Variants in PTPRN2 observed in about 807,000 individuals in gnomAD.
PTPRN2 encodes protein tyrosine phosphatase receptor type N2, also known as receptor-type tyrosine-protein phosphatase N2.
Under a neutral mutation model 118.8 loss-of-function variants are expected in PTPRN2, and 74 were observed. That is an observed-to-expected ratio of 0.62 (90% CI 0.52 to 0.76). The LOEUF (loss-of-function observed/expected upper bound fraction) is 0.76, where lower values mean the gene tolerates loss of function less well. Among genes scored for constraint, PTPRN2 ranks in the 30% least tolerant of loss-of-function variants. PTPRN2 has a pLI of 0.00. For synonymous variants in PTPRN2, 641 were observed against 608.0 expected (o/e 1.05, Z -0.80); for missense variants, 1,481 against 1,394.4 (o/e 1.06, Z -0.99).
At chr7:157,704,704 C>T (rs1311425681) in intron 12 of PTPRN2, among the ~76,000 whole-genome samples, 1 of 152,192 alleles carries the variant, frequency 6.6e-6, no homozygotes, top group African/African-American at 2.4e-5. Context: ...GAACAGGAAC[C>T]ACTGGAGTCA....
intron 6 of PTPRN2, among the ~76,000 whole-genome samples, chr7:158,159,158 T>C (rs4618642): frequency 0.14 from 455 of 3,262 alleles, 39 homozygotes; most frequent in Middle Eastern, 0.5. Flanking sequence ...TGAGTGAACT[T>C]GGGAGAATCA....
At chr7:157,665,826 T>C (rs5013566) in intron 13 of PTPRN2, among the ~76,000 whole-genome samples, 58,345 of 152,004 alleles carry the variant, frequency 0.38, 12,253 homozygotes, top group Non-Finnish European at 0.49. Context: ...GAGTTCATGT[T>C]CTTTGCAGGG....
Position 157,676,215 on chromosome 7 carries a change from C to T in PTPRN2, c.2001+6510G>A, listed in dbSNP as rs771444433. On this transcript the variant is annotated intron_variant, in intron 13 of 22. Transcript: ENST00000389418. The surrounding 1 kb of genome is among the most constrained non-coding windows in gnomAD (Gnocchi z 5.6). The stretch of plus-strand genomic sequence containing the variant: ...AGGACCTCTTCCCTCTAGCCCAGTT[C>T]CTCCTGGCAGCCCTGCAAATGCCCA... Among the ~76,000 whole-genome samples, 33 of 152,268 alleles carry T rather than the reference C, an allele frequency of 2.2e-4. No homozygotes were observed. Among genetic ancestry groups the T allele is most frequent in the East Asian group, 7.7e-4 (4 of 5,164 alleles).
chr7:158,114,150 G>T (rs1816536160), intron 9 of PTPRN2, among the ~76,000 whole-genome samples: 2 of 152,244 alleles, frequency 1.3e-5, no homozygotes, highest in Non-Finnish European at 2.9e-5. Flanking sequence ...GCAATGGAAA[G>T]GTGAGGCTGC....
At chr7:158,221,410 T>G (rs2150793634) in intron 3 of PTPRN2, among the ~76,000 whole-genome samples, 1 of 151,918 alleles carries the variant, frequency 6.6e-6, no homozygotes, top group African/African-American at 2.4e-5. Flanking sequence ...AAAGCAACTA[T>G]TAACAGGTAA....
At chr7:158,407,121 T>TCCC (rs1563254026) in intron 2 of PTPRN2, among the ~76,000 whole-genome samples, 7 of 144,270 alleles carry the variant, frequency 4.9e-5, no homozygotes, top group African/African-American at 1.5e-4. Flanking sequence ...TCCTGCGTCC[T>TCCC]GGGTCCTGGG....
intron 11 of PTPRN2, among the ~76,000 whole-genome samples, chr7:158,039,375 G>A (rs1808300476): frequency 6.6e-6 from 1 of 152,204 alleles, no homozygotes; most frequent in African/African-American, 2.4e-5. Context: ...CAGCCCAGGT[G>A]TGCAGGTTCA....
intron 2 of PTPRN2, among the ~76,000 whole-genome samples, chr7:158,394,120 C>T (rs1266371699): frequency 1.3e-5 from 2 of 151,136 alleles, no homozygotes; most frequent in South Asian, 4.2e-4. Flanking sequence ...ACCTGGACCC[C>T]CTCTGTCCCC....
chr7:157,841,192 G>T (rs1032890036), intron 12 of PTPRN2, among the ~76,000 whole-genome samples: 3 of 152,232 alleles, frequency 2.0e-5, no homozygotes, highest in African/African-American at 7.2e-5. Flanking sequence ...AGCAAGGGCA[G>T]CTTTAAGTTA....
intron 21 of PTPRN2, among the ~76,000 whole-genome samples, chr7:157,552,582 T>C (rs1229088719): frequency 6.6e-6 from 1 of 152,214 alleles, no homozygotes; most frequent in East Asian, 1.9e-4. Context: ...TCTTTGGCCA[T>C]ACGCTGCTGG....
chr7:158,312,071 ACAC>A, intron 3 of PTPRN2, among the ~76,000 whole-genome samples: 2 of 3,370 alleles, frequency 5.9e-4, no homozygotes, highest in Non-Finnish European at 3.1e-3. Context: ...ATGTAGACAC[ACAC>A]ACGTGCACTC....
chr7:158,321,409 G>A lies in PTPRN2; in HGVS notation c.164-4477C>T, dbSNP rs146533687. Among the ~76,000 whole-genome samples, 798 of 152,204 alleles carry A rather than the reference G, an allele frequency of 5.2e-3. 10 individuals carry two copies. Among genetic ancestry groups the A allele is most frequent in the African/African-American group, 0.018 (766 of 41,520 alleles). On this transcript the variant is annotated intron_variant, in intron 2 of 22. Transcript: ENST00000389418. ...TTCCTCATGAACTCTCTTCTACTTC[G>A]GACTCTGTTTCCTGTGCCATGGCCC...
At chr7:157,559,858 C>G (rs1354255905) in intron 21 of PTPRN2, among the ~76,000 whole-genome samples, 2 of 152,190 alleles carry the variant, frequency 1.3e-5, no homozygotes, top group African/African-American at 2.4e-5. Context: ...CCTGTGTTCT[C>G]TCCCACATTC....
In PTPRN2 at chr7:158,140,719, G is replaced by A. The variant is rs761681374; in HGVS notation, c.911-2204C>T. ...GAAGCGTCGGGTGTGAGGGTGTGCC[G>A]TGCAGCGTGGCCGCTGGTTCCAGGC... On this transcript the variant is annotated intron_variant, in intron 6 of 22. Transcript: ENST00000389418. Among the ~76,000 whole-genome samples the A allele has an allele frequency of 9.8e-4, 149 of 152,348 alleles. 3 individuals are homozygous for A. Among genetic ancestry groups the A allele is most frequent in the Non-Finnish European group, 2.9e-4 (20 of 68,032 alleles).
chr7:158,337,744 C>A (rs1413333717), intron 2 of PTPRN2, among the ~76,000 whole-genome samples: 1 of 145,292 alleles, frequency 6.9e-6, no homozygotes, highest in African/African-American at 2.6e-5. Flanking sequence ...CAACCACACT[C>A]TCACCATAAG....
At chr7:158,279,706 G>A (rs759345579) in intron 3 of PTPRN2, among the ~76,000 whole-genome samples, 9 of 151,818 alleles carry the variant, frequency 5.9e-5, no homozygotes, top group South Asian at 4.2e-4. Flanking sequence ...GCTCCCATCC[G>A]CGCTTCTCCC....
chr7:157,772,089 A>G (rs1802874314), intron 12 of PTPRN2, among the ~76,000 whole-genome samples: 1 of 151,738 alleles, frequency 6.6e-6, no homozygotes, highest in Admixed American at 6.6e-5. Context: ...ACACAGACAC[A>G]AACACACACA....
intron 2 of PTPRN2, among the ~76,000 whole-genome samples, chr7:158,417,299 C>A (rs1814757631): frequency 1.3e-5 from 2 of 151,960 alleles, no homozygotes; most frequent in Non-Finnish European, 2.9e-5. Context: ...CAGTGTCCCA[C>A]TGTGTTAAGT....
At chr7:157,841,845 T>TGC (rs1377584132) in intron 12 of PTPRN2, among the ~76,000 whole-genome samples, 11 of 152,214 alleles carry the variant, frequency 7.2e-5, no homozygotes, top group African/African-American at 2.7e-4. Flanking sequence ...CCCTGGATTC[T>TGC]GCGCTTTCCT....
Sources: gnomAD v4.1 joint callset for allele counts (sites outside exome capture counted in the v4.1 genomes callset) on GRCh38, gnomAD v4.1.1 for gene constraint, Gnocchi (gnomAD v3.1) non-coding constraint, MANE v1.5 for transcripts, NCBI Gene and HGNC (gene_info 2026-07-23, HGNC 2026-07-21) for gene names.